CROT: variants seen among roughly 807,000 people sequenced by gnomAD.
The protein encoded by CROT is carnitine O-octanoyltransferase, also known as peroxisomal carnitine O-octanoyltransferase.
In CROT, 84 loss-of-function variants were observed where a neutral mutation model predicts 89.2. The ratio of observed to expected loss-of-function variants is 0.94; its 90% CI spans 0.79 to 1.13. The LOEUF is 1.13. Ranked by LOEUF, CROT falls within the 50% of genes most tolerant of loss-of-function variation. The pLI, the probability that CROT is intolerant of heterozygous loss-of-function variation, is 0.00. For synonymous variants in CROT, 212 were observed against 239.5 expected, an observed-to-expected ratio of 0.89 and a Z score of 1.06; for missense variants, 711 against 727.8, an observed-to-expected ratio of 0.98 and a Z score of 0.27.
chr7:87,377,222 A>G (rs1442676947), intron 9 of CROT, 127 bp from the exon 10 acceptor site: 1 of 575,884 alleles, frequency 1.7e-6, no homozygotes, highest in East Asian at 3.0e-5. Context: ...GATCATAACT[A>G]TATTATGATT....
chr7:87,366,474 A>T (rs1806451728), intron 6 of CROT, among the ~76,000 whole-genome samples: 1 of 152,034 alleles, frequency 6.6e-6, no homozygotes, highest in Non-Finnish European at 1.5e-5. Context: ...TCTTTCCATT[A>T]CTACCTCAGT....
intron 6 of CROT, among the ~76,000 whole-genome samples, chr7:87,362,362 C>T (rs113318675): frequency 0.013 from 1,999 of 149,214 alleles, 46 homozygotes; most frequent in African/African-American, 0.047. Flanking sequence ...CAGGTTGCGA[C>T]CTCAGCTCAC....
intron 9 of CROT, 98 bp from the exon 10 acceptor site, chr7:87,377,251 G>C (rs802042): frequency 0.89 from 589,880 of 665,548 alleles, 262,249 homozygotes; most frequent in Middle Eastern, 0.92. Flanking sequence ...TTTGGTTGAC[G>C]TGAAGAGGAA....
At chr7:87,355,235 G>A (rs1380246469) in intron 3 of CROT, among the ~76,000 whole-genome samples, 2 of 151,942 alleles carry the variant, frequency 1.3e-5, no homozygotes, top group Non-Finnish European at 2.9e-5. Flanking sequence ...AAGTAGCTGG[G>A]ATTATAGACA....
chr7:87,361,454 A>C lies in CROT; in HGVS notation c.305A>C (p.Asn102Thr). 1 of 1,614,022 alleles carries C rather than the reference A, an allele frequency of 6.2e-7. No individual in the cohort carries two copies. The highest frequency in any genetic ancestry group is 8.5e-7 in the Non-Finnish European group (1 of 1,179,968). ...DVRIPSQLNV[N>T]FAGPAAHFEH... ...CGTATACCATCACAATTGAATGTCA[A>C]CTTTGCGGGTCCTGCAGCTCATTTT... The change falls in exon 5 of 18, where the codon AAC (asparagine) becomes ACC (threonine). Residue 102 changes from asparagine (N) to threonine (T), a missense_variant. By Grantham distance (65) the Asn-to-Thr change is moderately conservative. Coordinates refer to ENST00000331536, the MANE Select transcript of CROT (RefSeq NM_021151.4).
At chr7:87,348,633 G>A (rs1013241614) in intron 2 of CROT, among the ~76,000 whole-genome samples, 1 of 152,152 alleles carries the variant, frequency 6.6e-6, no homozygotes, top group African/African-American at 2.4e-5. Flanking sequence ...AACAGATCTG[G>A]GTTTGGGTCC....
At chr7:87,387,743 G>A (rs1236543723) in intron 13 of CROT, among the ~76,000 whole-genome samples, 1 of 152,178 alleles carries the variant, frequency 6.6e-6, no homozygotes. Flanking sequence ...CTTGAGGTCA[G>A]GAGTTCGAGA....
intron 7 of CROT, among the ~76,000 whole-genome samples, chr7:87,370,308 A>G (rs1309883744): frequency 1.3e-5 from 2 of 152,036 alleles, no homozygotes; most frequent in African/African-American, 4.8e-5. Context: ...TCAGCCTCCC[A>G]AGTAGCTAGG....
intron 17 of CROT, among the ~76,000 whole-genome samples, chr7:87,393,974 A>G (rs533609237): frequency 1.2e-4 from 19 of 152,332 alleles, no homozygotes; most frequent in Middle Eastern, 3.4e-3. Flanking sequence ...CATAAAATAT[A>G]TACAGATACT....
intron 14 of CROT, 97 bp downstream of exon 14, chr7:87,391,809 T>C (rs1584650545): frequency 8.1e-7 from 1 of 1,239,954 alleles, no homozygotes; most frequent in Admixed American, 2.7e-5. Flanking sequence ...TCAGTTTTCC[T>C]GGATCATTAA....
rs761795351 is a variant in CROT at position 87,382,375 on chromosome 7, G to A, written c.1171-38G>A. On this transcript the variant is annotated intron_variant, in intron 12 of 17. Transcript: ENST00000331536. Reference sequence around the variant, plus strand: ...CTTCTCTTTGGTGTATTCTCCTTAGGTGATTTTTCACCGTTCTCATTTAAT... The same window carrying A: ...CTTCTCTTTGGTGTATTCTCCTTAGATGATTTTTCACCGTTCTCATTTAAT... The A allele has an allele frequency of 3.1e-6, 5 of 1,600,076 alleles. No individual in the cohort carries two copies. The South Asian group carries it at 4.5e-5, about 15-fold the overall frequency.
At chr7:87,356,962 C>A (rs1354566085) in intron 3 of CROT, among the ~76,000 whole-genome samples, 1 of 152,144 alleles carries the variant, frequency 6.6e-6, no homozygotes, top group Non-Finnish European at 1.5e-5. Context: ...GCGGAGGTTG[C>A]TGTGAGCCAA....
At chr7:87,354,467 G>A in intron 3 of CROT, 1 of 491,480 alleles carries the variant, frequency 2.0e-6, no homozygotes, top group South Asian at 1.5e-5. Flanking sequence ...CTTAGGAACA[G>A]CATTAGTTTT....
chr7:87,385,205 G>A (rs1338098862), intron 13 of CROT, among the ~76,000 whole-genome samples: 3 of 151,338 alleles, frequency 2.0e-5, no homozygotes, highest in Non-Finnish European at 4.4e-5. Context: ...TGAATTTTTG[G>A]ATTTTTTTTT....
chr7:87,370,972 T>G (rs1183802107), intron 7 of CROT, among the ~76,000 whole-genome samples: 1 of 152,182 alleles, frequency 6.6e-6, no homozygotes, highest in East Asian at 1.9e-4. Flanking sequence ...GGGTAAGAGT[T>G]CTTACTTGGT....
intron 13 of CROT, among the ~76,000 whole-genome samples, chr7:87,387,611 T>G (rs1807223524): frequency 6.6e-6 from 1 of 152,150 alleles, no homozygotes; most frequent in Non-Finnish European, 1.5e-5. Context: ...TTATATATTG[T>G]ATTCTTACAA....
At chr7:87,349,295 T>C in intron 3 of CROT, 112 bp downstream of exon 3, 1 of 488,054 alleles carries the variant, frequency 2.0e-6, no homozygotes. Flanking sequence ...GTTAGAGTTC[T>C]TGGATCTCTT....
At chr7:87,376,471 C>T (rs561403895) in intron 9 of CROT, among the ~76,000 whole-genome samples, 2 of 152,000 alleles carry the variant, frequency 1.3e-5, no homozygotes, top group Non-Finnish European at 2.9e-5. Flanking sequence ...CCCCTGCCAC[C>T]CCCAGGGTGA....
intron 7 of CROT, among the ~76,000 whole-genome samples, chr7:87,372,170 A>G (rs1271236529): frequency 6.6e-6 from 1 of 151,844 alleles, no homozygotes. Context: ...ACTTTTGCCT[A>G]TTTTTCTGTT....
Sources: allele counts gnomAD v4.1 joint callset (sites outside exome capture counted in the v4.1 genomes callset), GRCh38; gene constraint gnomAD v4.1.1; transcripts MANE v1.5; gene names NCBI Gene and HGNC (gene_info 2026-07-23, HGNC 2026-07-21).